ODAD2: variants seen among roughly 807,000 people sequenced by gnomAD.
ODAD2 encodes the protein outer dynein arm-docking complex subunit 2.
ODAD2 carries 89 observed loss-of-function variants against 106.8 expected under a neutral mutation model. The observed-to-expected ratio is 0.83, with a 90% CI of 0.70 to 0.99. ODAD2 has a LOEUF of 0.99. ODAD2 is among the 50% of genes least tolerant of loss of function. The pLI, the probability that ODAD2 is intolerant of heterozygous loss-of-function variation, is 0.00. For missense variants in ODAD2, 1,168 were observed against 1,238.5 expected (o/e 0.94, Z 0.85); for synonymous variants, 404 against 436.2 (o/e 0.93, Z 0.92).
chr10:27,856,271 AT>A (rs3831254), intron 19 of ODAD2, among the ~76,000 whole-genome samples: 8,225 of 152,226 alleles, frequency 0.054, 325 homozygotes, highest in East Asian at 0.17. Flanking sequence ...ATTGGAGGGG[AT>A]TGATTAACAC....
intron 19 of ODAD2, among the ~76,000 whole-genome samples, chr10:27,851,812 C>T (rs1305745744): frequency 1.3e-5 from 2 of 152,066 alleles, no homozygotes; most frequent in East Asian, 1.9e-4. Flanking sequence ...CACAAGCCCA[C>T]AGATCTCAGA....
intron 19 of ODAD2, among the ~76,000 whole-genome samples, chr10:27,824,456 T>G (rs1237114566): frequency 6.6e-6 from 1 of 152,208 alleles, no homozygotes; most frequent in Non-Finnish European, 1.5e-5. Flanking sequence ...TTCCACCTAC[T>G]GCCCTTCTGC....
chr10:27,888,081 A>T (rs182087718), intron 17 of ODAD2, among the ~76,000 whole-genome samples: 68 of 152,208 alleles, frequency 4.5e-4, no homozygotes, highest in Middle Eastern at 3.4e-3. Flanking sequence ...ACTTAAGGTG[A>T]TTCTGTATCT....
chr10:27,944,084 G>A, intron 12 of ODAD2, 138 bp downstream of exon 12: 1 of 695,580 alleles, frequency 1.4e-6, no homozygotes, highest in Non-Finnish European at 2.4e-6. Flanking sequence ...ATTCTTAAGG[G>A]CAAGCGATAC....
chr10:27,836,107 T>C (rs189205471), intron 19 of ODAD2: 1 of 153,118 alleles, frequency 6.5e-6, no homozygotes, highest in Non-Finnish European at 1.5e-5. Context: ...CAGAAGGAAA[T>C]CTGCATAAAA....
At chr10:27,829,663 C>T (rs957415586) in intron 19 of ODAD2, among the ~76,000 whole-genome samples, 1 of 152,180 alleles carries the variant, frequency 6.6e-6, no homozygotes, top group Non-Finnish European at 1.5e-5. Flanking sequence ...TCTGAAAAAG[C>T]CCCCTAATAA....
chr10:27,820,937 A>G (rs1373278200), intron 19 of ODAD2, among the ~76,000 whole-genome samples: 1 of 151,914 alleles, frequency 6.6e-6, no homozygotes, highest in African/African-American at 2.4e-5. Flanking sequence ...ATGCGCCACC[A>G]CACCGGCTAA....
intron 19 of ODAD2, among the ~76,000 whole-genome samples, chr10:27,821,870 T>C (rs1836641341): frequency 6.6e-6 from 1 of 152,216 alleles, no homozygotes; most frequent in Non-Finnish European, 1.5e-5. Flanking sequence ...CTTTTCTCTT[T>C]TTAATCCTCC....
intron 17 of ODAD2, among the ~76,000 whole-genome samples, chr10:27,876,314 C>T (rs539360420): frequency 6.6e-6 from 1 of 152,154 alleles, no homozygotes; most frequent in African/African-American, 2.4e-5. Flanking sequence ...CAGACTGACA[C>T]CCCACACTGC....
At chr10:27,849,063 A>G (rs1429009345) in intron 19 of ODAD2, among the ~76,000 whole-genome samples, 11 of 152,220 alleles carry the variant, frequency 7.2e-5, no homozygotes, top group Admixed American at 5.2e-4. Flanking sequence ...TATATACCCA[A>G]AGGATTATAA....
At chr10:27,953,045 T>G (rs918073083) in intron 10 of ODAD2, among the ~76,000 whole-genome samples, 2 of 152,182 alleles carry the variant, frequency 1.3e-5, no homozygotes, top group African/African-American at 2.4e-5. Flanking sequence ...TGTATACAAT[T>G]TGATGAGTTT....
At chr10:27,949,446 C>G (rs567514074) in intron 10 of ODAD2, among the ~76,000 whole-genome samples, 10 of 152,284 alleles carry the variant, frequency 6.6e-5, no homozygotes, top group African/African-American at 2.2e-4. Context: ...GAAAGAACAT[C>G]TGAACTGAGA....
rs1432456561 is a variant in ODAD2, at chr10:27,972,060, ACTAT to A, written c.937-751_937-748del. 5.3e-5 allele frequency among the ~76,000 whole-genome samples: 8 copies of A among 152,338 alleles called. 1 individual carries two copies. Among genetic ancestry groups the A allele is most frequent in the South Asian group, 4.1e-4 (2 of 4,832 alleles). On this transcript the variant is annotated intron_variant, in intron 7 of 19. Coordinates refer to ENST00000305242, the MANE Select transcript of ODAD2 (RefSeq NM_018076.5). ...TTTTAATCATTCTAACATATAATTG[ACTAT>A]CTAAAGCAAAAATAGTAACAACGTT...
chr10:27,909,981 T>C (rs1843885685), intron 16 of ODAD2, among the ~76,000 whole-genome samples: 1 of 152,196 alleles, frequency 6.6e-6, no homozygotes, highest in Non-Finnish European at 1.5e-5. Flanking sequence ...ATCCTCTGCA[T>C]GAAGTCATTT....
chr10:27,987,404 C>T lies in ODAD2; in HGVS notation c.364G>A (p.Ala122Thr). The T allele has an allele frequency of 1.2e-6, 2 of 1,613,344 alleles. No individual in the cohort carries two copies. Among genetic ancestry groups the T allele is most frequent in the Admixed American group, 1.7e-5 (1 of 59,880 alleles). ...LIAKTGKLKE[A>T]QACVEANRDP... ...AGATCACCTTCAACACATGCTTGGG[C>T]TTCCTTCAACTTCCCAGTTTTGGCA... The change falls in exon 3 of 20, where the codon GCC becomes ACC. Residue 122 changes from alanine (A) to threonine (T), a missense_variant. This residue lies in a region of ODAD2 where 430 missense variants were observed against 452.2 expected (regional missense o/e 0.95). Coordinates refer to ENST00000305242, the MANE Select transcript of ODAD2 (RefSeq NM_018076.5).
intron 19 of ODAD2, among the ~76,000 whole-genome samples, chr10:27,845,748 CA>C (rs975929155): frequency 3.3e-5 from 5 of 151,694 alleles, no homozygotes; most frequent in East Asian, 1.9e-4. Context: ...AAATGGAAAA[CA>C]AAAAAAGGCA....
At chr10:27,850,153 T>G (rs902675602) in intron 19 of ODAD2, among the ~76,000 whole-genome samples, 1 of 152,100 alleles carries the variant, frequency 6.6e-6, no homozygotes, top group Non-Finnish European at 1.5e-5. Context: ...GTGTTTAAAG[T>G]GAAAACATTT....
At chr10:27,933,746 CAT>C (rs1845764146) in intron 16 of ODAD2, among the ~76,000 whole-genome samples, 1 of 152,180 alleles carries the variant, frequency 6.6e-6, no homozygotes, top group Non-Finnish European at 1.5e-5. Flanking sequence ...GTTTCAAAAA[CAT>C]AAATACATTA....
intron 12 of ODAD2, among the ~76,000 whole-genome samples, chr10:27,942,053 G>T (rs1373684300): frequency 6.6e-6 from 1 of 152,114 alleles, no homozygotes; most frequent in Non-Finnish European, 1.5e-5. Flanking sequence ...GGATAGGAAC[G>T]TGGGAAAAAT....
Sources: gnomAD v4.1 joint callset for allele counts (sites outside exome capture counted in the v4.1 genomes callset) on GRCh38, gnomAD v4.1.1 for gene constraint, gnomAD v4.1.1 regional missense constraint, MANE v1.5 for transcripts, NCBI Gene and HGNC (gene_info 2026-07-23, HGNC 2026-07-21) for gene names.